Variants in CENPW observed in about 807,000 individuals in gnomAD.
The protein encoded by CENPW is centromere protein W.
Under a neutral mutation model 11.1 loss-of-function variants are expected in CENPW, and 3 were observed. That is an observed-to-expected ratio of 0.27 (90% confidence interval 0.12 to 0.70). The LOEUF is 0.70. Ranked by LOEUF, CENPW falls within the 30% of genes least tolerant of loss-of-function variation. The pLI is 0.77. For missense variants in CENPW, 100 were observed against 105.6 expected (o/e 0.95, Z 0.23); for synonymous variants, 38 against 42.0 (o/e 0.91, Z 0.37).
At chr6:126,411,913 TCC>T in the CENPW span, among the ~76,000 whole-genome samples, 15 of 71,028 alleles carry the variant, frequency 2.1e-4, no homozygotes, top group South Asian at 6.0e-4. Flanking sequence ...CCTTCCTCCC[TCC>T]CCCTCCCTCC....
chr6:126,464,672 A>G, the CENPW span, among the ~76,000 whole-genome samples: 5 of 152,138 alleles, frequency 3.3e-5, no homozygotes, highest in Non-Finnish European at 5.9e-5. Context: ...TTGGCCACAG[A>G]CTGAAGGCTG....
the CENPW span, among the ~76,000 whole-genome samples, chr6:126,413,766 G>T: frequency 2.0e-5 from 3 of 151,708 alleles, no homozygotes; most frequent in Non-Finnish European, 4.4e-5. Flanking sequence ...AAGAACAAAA[G>T]AATATATAAA....
At chr6:126,414,739 A>G in the CENPW span, among the ~76,000 whole-genome samples, 7 of 151,964 alleles carry the variant, frequency 4.6e-5, no homozygotes, top group Non-Finnish European at 1.0e-4. Context: ...AAAACAAGCC[A>G]AAGCCCAAAT....
At chr6:126,354,194 C>G in the CENPW span, among the ~76,000 whole-genome samples, 1 of 151,954 alleles carries the variant, frequency 6.6e-6, no homozygotes, top group Non-Finnish European at 1.5e-5. Flanking sequence ...ATTTTTTCCC[C>G]ACTATGCAGA....
the CENPW span, among the ~76,000 whole-genome samples, chr6:126,444,539 A>T: frequency 6.0e-5 from 9 of 150,078 alleles, no homozygotes; most frequent in African/African-American, 2.2e-4. Flanking sequence ...TTTTTCTTTT[A>T]TTTCTAAGTC....
chr6:126,442,411 A>T, the CENPW span, among the ~76,000 whole-genome samples: 5 of 151,572 alleles, frequency 3.3e-5, no homozygotes, highest in African/African-American at 1.2e-4. Context: ...AAAAGAAATG[A>T]TCAGCAGAAT....
chr6:126,428,584 G>T, the CENPW span, among the ~76,000 whole-genome samples: 14 of 152,222 alleles, frequency 9.2e-5, no homozygotes, highest in African/African-American at 3.4e-4. Flanking sequence ...GGGAACACCC[G>T]CTTTGCTCAT....
At chr6:126,450,877 A>G in the CENPW span, among the ~76,000 whole-genome samples, 1 of 150,986 alleles carries the variant, frequency 6.6e-6, no homozygotes, top group African/African-American at 2.4e-5. Flanking sequence ...TAACCTAGAA[A>G]GTTTTAATGG....
the CENPW span, among the ~76,000 whole-genome samples, chr6:126,377,190 A>G: frequency 1.3e-5 from 2 of 152,070 alleles, no homozygotes; most frequent in African/African-American, 2.4e-5. Context: ...TTATACTTCT[A>G]TTTTTTAACT....
At chr6:126,408,071 C>G in the CENPW span, among the ~76,000 whole-genome samples, 1 of 151,996 alleles carries the variant, frequency 6.6e-6, no homozygotes, top group Non-Finnish European at 1.5e-5. Flanking sequence ...TTGGGTTTAA[C>G]AAGCAATAGG....
the CENPW span, among the ~76,000 whole-genome samples, chr6:126,370,626 T>G: frequency 6.6e-6 from 1 of 152,220 alleles, no homozygotes; most frequent in African/African-American, 2.4e-5. Flanking sequence ...ATCCTGAAAC[T>G]TCTCTGATTT....
At chr6:126,344,795 G>A (rs1309148435) in intron 1 of CENPW, among the ~76,000 whole-genome samples, 2 of 152,114 alleles carry the variant, frequency 1.3e-5, no homozygotes, top group Non-Finnish European at 1.5e-5. Flanking sequence ...AAAGATTTCT[G>A]CATTATATAA....
the CENPW span, among the ~76,000 whole-genome samples, chr6:126,359,454 G>C: frequency 6.6e-6 from 1 of 152,024 alleles, no homozygotes; most frequent in Admixed American, 6.6e-5. Context: ...GTCAAGTGTT[G>C]AGTTTAAGTT....
intron 1 of CENPW, 72 bp downstream of exon 1, chr6:126,340,471 T>C (rs771748592): frequency 6.2e-7 from 1 of 1,609,588 alleles, no homozygotes; most frequent in Admixed American, 1.7e-5. Context: ...TAAGCCTTTG[T>C]TTTTCCGCCC....
At chr6:126,410,910 A>C in the CENPW span, among the ~76,000 whole-genome samples, 1 of 151,822 alleles carries the variant, frequency 6.6e-6, no homozygotes, top group African/African-American at 2.4e-5. Flanking sequence ...TTGAGTTGTC[A>C]ATCTGTATTT....
chr6:126,438,048 C>G, the CENPW span, among the ~76,000 whole-genome samples: 2 of 151,074 alleles, frequency 1.3e-5, no homozygotes, highest in East Asian at 3.9e-4. Context: ...ACAGAGAGAC[C>G]TTTAAAATTG....
At chr6:126,431,819 C>A in the CENPW span, among the ~76,000 whole-genome samples, 1 of 151,974 alleles carries the variant, frequency 6.6e-6, no homozygotes, top group Non-Finnish European at 1.5e-5. Context: ...GTAGTCCCAC[C>A]ACTTTGGGAG....
chr6:126,343,227 C>T (rs1366804556), intron 1 of CENPW, among the ~76,000 whole-genome samples: 1 of 152,134 alleles, frequency 6.6e-6, no homozygotes, highest in African/African-American at 2.4e-5. Context: ...GTTAGAATGC[C>T]TAGCTAAATA....
the CENPW span, among the ~76,000 whole-genome samples, chr6:126,454,455 C>T: frequency 2.6e-5 from 4 of 151,342 alleles, no homozygotes; most frequent in Non-Finnish European, 5.9e-5. Context: ...ATCGAACAAT[C>T]TGCTTCTGAA....
Sources: allele counts gnomAD v4.1 joint callset (sites outside exome capture counted in the v4.1 genomes callset), GRCh38; gene constraint gnomAD v4.1.1; transcripts MANE v1.5; gene names NCBI Gene and HGNC (gene_info 2026-07-23, HGNC 2026-07-21).